Variants in PTPRT observed in about 807,000 individuals in gnomAD.
PTPRT encodes the protein receptor-type tyrosine-protein phosphatase T.
A neutral mutation model predicts 176.8 loss-of-function variants in PTPRT; 56 were observed. The observed-to-expected ratio is 0.32, with a 90% CI of 0.26 to 0.40. PTPRT has a LOEUF of 0.40. Ranked by LOEUF, PTPRT falls within the 10% of genes least tolerant of loss-of-function variation. The probability of loss-of-function intolerance (pLI) is 1.00; values close to 1 mark genes in which losing one functional copy is unlikely to be tolerated. For missense variants in PTPRT, 1,540 were observed against 1,908.2 expected, an observed-to-expected ratio of 0.81 and a Z score of 3.60; for synonymous variants, 783 against 739.0, an observed-to-expected ratio of 1.06 and a Z score of -0.96.
At chr20:43,067,281 G>A (rs1224755943) in intron 1 of PTPRT, among the ~76,000 whole-genome samples, 1 of 152,174 alleles carries the variant, frequency 6.6e-6, no homozygotes, top group Non-Finnish European at 1.5e-5. Flanking sequence ...TAAATCCATA[G>A]AGACAGAACG....
chr20:42,185,924 G>T (rs1355386609), intron 16 of PTPRT, among the ~76,000 whole-genome samples: 1 of 152,018 alleles, frequency 6.6e-6, no homozygotes, highest in African/African-American at 2.4e-5. Context: ...ACAAAAACAT[G>T]GTCCTCCTTT....
At chr20:42,348,801 G>A (rs2058234508) in intron 11 of PTPRT, among the ~76,000 whole-genome samples, 1 of 152,138 alleles carries the variant, frequency 6.6e-6, no homozygotes, top group South Asian at 2.1e-4. Context: ...TTGAGTCCCT[G>A]TGTCTGTTTT....
chr20:42,631,276 C>G (rs940069860), intron 7 of PTPRT, among the ~76,000 whole-genome samples: 7 of 152,118 alleles, frequency 4.6e-5, no homozygotes, highest in African/African-American at 1.4e-4. Flanking sequence ...TATGAAAAAG[C>G]ATTTTTTTCT....
chr20:42,817,311 TG>T (rs1569172871), intron 2 of PTPRT, among the ~76,000 whole-genome samples: 2 of 150,916 alleles, frequency 1.3e-5, no homozygotes, highest in Non-Finnish European at 2.9e-5. Flanking sequence ...CAGCATATGG[TG>T]GTTTTTAAAC....
At chr20:42,102,371 C>G in intron 25 of PTPRT, 74 bp from the exon 26 acceptor site, 1 of 1,498,804 alleles carries the variant, frequency 6.7e-7, no homozygotes, top group Non-Finnish European at 9.1e-7. Flanking sequence ...AGTAATGTTC[C>G]AACTCAGCCT....
chr20:42,623,671 C>T (rs1417227857), intron 7 of PTPRT, among the ~76,000 whole-genome samples: 1 of 152,068 alleles, frequency 6.6e-6, no homozygotes, highest in Non-Finnish European at 1.5e-5. Flanking sequence ...TCCCACCCGG[C>T]AGAAACTCTG....
intron 7 of PTPRT, among the ~76,000 whole-genome samples, chr20:42,573,749 C>CTTTTTTT (rs150938657): frequency 1.8e-5 from 2 of 112,572 alleles, no homozygotes; most frequent in African/African-American, 3.5e-5. Context: ...TTCTTTCTTT[C>CTTTTTTT]TTTTTTTTTT....
chr20:42,799,760 C>T (rs73907279), intron 2 of PTPRT, among the ~76,000 whole-genome samples: 30,767 of 152,174 alleles, frequency 0.2, 3,343 homozygotes, highest in East Asian at 0.4. Context: ...CACACTGCCC[C>T]GTAAGCAAGA....
chr20:42,921,664 G>C (rs957887452), intron 1 of PTPRT, among the ~76,000 whole-genome samples: 1 of 152,220 alleles, frequency 6.6e-6, no homozygotes, highest in Non-Finnish European at 1.5e-5. Context: ...TCTCTTTGCT[G>C]TGCCTCAGAA....
rs574588472 is a variant in PTPRT at position 42,680,617 on chromosome 20, T to A, written c.860-2458A>T. Reference sequence around the variant, plus strand: ...TTCCTTAATATAATTATTCACAGACTAGACCTCTACAGAATTAAGAGTTGC... The same window carrying A: ...TTCCTTAATATAATTATTCACAGACAAGACCTCTACAGAATTAAGAGTTGC... On this transcript the variant is annotated intron_variant, in intron 6 of 30. Coordinates refer to ENST00000373187, the MANE Select transcript of PTPRT (RefSeq NM_007050.6). Among the ~76,000 whole-genome samples, 5 of 152,294 alleles carry A rather than the reference T, an allele frequency of 3.3e-5. No homozygotes were observed. In the East Asian group the frequency reaches 7.7e-4, roughly 24 times the overall value.
intron 1 of PTPRT, among the ~76,000 whole-genome samples, chr20:42,990,531 A>AAGGCC (rs1305234485): frequency 6.6e-6 from 1 of 152,272 alleles, no homozygotes; most frequent in African/African-American, 2.4e-5. Context: ...AGTGTATATC[A>AAGGCC]AGGCCACCAT....
intron 1 of PTPRT, among the ~76,000 whole-genome samples, chr20:43,087,797 C>T (rs1300882150): frequency 6.6e-6 from 1 of 152,092 alleles, no homozygotes; most frequent in Non-Finnish European, 1.5e-5. Flanking sequence ...GCTTTTACTC[C>T]AGGACACAAA....
chr20:42,850,987 G>C (rs1262397538), intron 2 of PTPRT, among the ~76,000 whole-genome samples: 2 of 152,150 alleles, frequency 1.3e-5, no homozygotes, highest in African/African-American at 4.8e-5. Flanking sequence ...CTTGGTAGCT[G>C]GCTCGTTGCT....
intron 1 of PTPRT, among the ~76,000 whole-genome samples, chr20:43,048,796 C>G (rs897166122): frequency 1.3e-5 from 2 of 152,180 alleles, no homozygotes; most frequent in African/African-American, 4.8e-5. Flanking sequence ...AAGTTTATGA[C>G]ATGGAGAGAA....
At position 42,339,622 on chromosome 20, in the gene PTPRT, G is replaced by A. The variant is rs115671579; in HGVS notation, c.1865+11006C>T. Among the ~76,000 whole-genome samples the A allele has an allele frequency of 5.7e-3, 865 of 152,308 alleles. 11 individuals carry two copies. The highest frequency in any genetic ancestry group is 0.02 in the African/African-American group (811 of 41,574). On this transcript the variant is annotated intron_variant, in intron 11 of 30. Coordinates refer to ENST00000373187, the MANE Select transcript of PTPRT (RefSeq NM_007050.6). ...TAGGCCACACCAGTAGTACTCAAGCGTGGTCCAAGACCAGTAGGTCACCTG... is the reference window on the plus strand; with the variant it reads ...TAGGCCACACCAGTAGTACTCAAGCATGGTCCAAGACCAGTAGGTCACCTG...
chr20:42,062,598 T>C, the PTPRT span, among the ~76,000 whole-genome samples: 2 of 152,152 alleles, frequency 1.3e-5, no homozygotes, highest in Non-Finnish European at 2.9e-5. Context: ...TCTGGGGATT[T>C]TTTTTCCCAC....
chr20:42,791,374 T>G lies in PTPRT; in HGVS notation c.307A>C (p.Ile103Leu), dbSNP rs200831045. Residue 103 changes from isoleucine (I) to leucine (L), a missense_variant, in exon 3 of 31, where the codon ATC (isoleucine) becomes CTC (leucine). Transcript: ENST00000373187. ...PTLKENDTHC[I>L]DFHYYFSSRD... ...CTGGAGAAGTAGTAATGGAAGTCGATGCAGTGGGTGTCATTCTCCTTCAGG... is the reference window on the plus strand; with the variant it reads ...CTGGAGAAGTAGTAATGGAAGTCGAGGCAGTGGGTGTCATTCTCCTTCAGG... The G allele has an allele frequency of 9.5e-5, 153 of 1,614,114 alleles. No individual in the cohort carries two copies. The highest frequency in any genetic ancestry group is 1.6e-4 in the Middle Eastern group (1 of 6,084).
chr20:42,975,354 C>T (rs2146074621), intron 1 of PTPRT, among the ~76,000 whole-genome samples: 1 of 152,032 alleles, frequency 6.6e-6, no homozygotes, highest in East Asian at 1.9e-4. Context: ...GAAAATGCAC[C>T]AACAACCCTA....
chr20:42,608,848 G>A (rs2073927092), intron 7 of PTPRT, among the ~76,000 whole-genome samples: 1 of 152,134 alleles, frequency 6.6e-6, no homozygotes, highest in Non-Finnish European at 1.5e-5. Context: ...ATGCCATGTG[G>A]TTCCAACTTT....
Sources: gnomAD v4.1 joint callset for allele counts (sites outside exome capture counted in the v4.1 genomes callset) on GRCh38, gnomAD v4.1.1 for gene constraint, MANE v1.5 for transcripts, NCBI Gene and HGNC (gene_info 2026-07-23, HGNC 2026-07-21) for gene names.